Variants in PRKAR1A observed in about 807,000 individuals in gnomAD.
PRKAR1A encodes the protein cAMP-dependent protein kinase type I-alpha regulatory subunit.
A neutral mutation model predicts 52.0 loss-of-function variants in PRKAR1A; 3 were observed. The observed-to-expected ratio is 0.06, with a 90% CI of 0.03 to 0.15. The LOEUF (loss-of-function observed/expected upper bound fraction) is 0.15. Ranked by LOEUF, PRKAR1A falls within the 10% of genes least tolerant of loss-of-function variation. The pLI is 1.00. For missense variants in PRKAR1A, 240 were observed against 477.4 expected (o/e 0.50, Z 4.63); for synonymous variants, 188 against 168.4 (o/e 1.12, Z -0.90).
At chr17:68,516,335 G>C (rs2085432959) in intron 2 of PRKAR1A, among the ~76,000 whole-genome samples, 2 of 152,092 alleles carry the variant, frequency 1.3e-5, no homozygotes, top group South Asian at 2.1e-4. Flanking sequence ...GAATGAAAAA[G>C]TCTGGGTTAC....
chr17:68,509,725 T>C (rs1044327056), upstream of PRKAR1A, among the ~76,000 whole-genome samples: 2 of 152,214 alleles, frequency 1.3e-5, no homozygotes, highest in African/African-American at 4.8e-5. Context: ...TGAGGCTATT[T>C]AGTTTTTCAG....
chr17:68,507,589 G>A (rs747982448), upstream of PRKAR1A, among the ~76,000 whole-genome samples: 2 of 152,186 alleles, frequency 1.3e-5, no homozygotes, highest in East Asian at 1.9e-4. Context: ...CATGGCACAC[G>A]TTTATCTATG....
the PRKAR1A span, among the ~76,000 whole-genome samples, chr17:68,418,386 T>A: frequency 2.6e-5 from 4 of 152,208 alleles, no homozygotes; most frequent in East Asian, 7.7e-4. Flanking sequence ...AAAGCTCATG[T>A]CACTGCCCTG....
At chr17:68,421,803 T>C in the PRKAR1A span, 1 of 1,614,214 alleles carries the variant, frequency 6.2e-7, no homozygotes. Context: ...CCTTCTGATT[T>C]CCACGGCACA....
the PRKAR1A span, among the ~76,000 whole-genome samples, chr17:68,437,948 T>TAAAAA: frequency 5.7e-3 from 449 of 78,730 alleles, 8 homozygotes; most frequent in African/African-American, 0.02. Flanking sequence ...ACATCTCTCT[T>TAAAAA]AAAAAAAAAA....
At chr17:68,453,144 G>T in the PRKAR1A span, 1 of 562,628 alleles carries the variant, frequency 1.8e-6, no homozygotes, top group South Asian at 2.4e-5. Context: ...AAATGGTGAC[G>T]CATGTCTTGA....
At chr17:68,508,389 G>A (rs773390275), upstream of PRKAR1A, among the ~76,000 whole-genome samples, 1 of 152,214 alleles carries the variant, frequency 6.6e-6, no homozygotes, top group Non-Finnish European at 1.5e-5. Flanking sequence ...CAGCAACATA[G>A]ATACAGCTGG....
At chr17:68,463,808 G>A in the PRKAR1A span, among the ~76,000 whole-genome samples, 1 of 152,204 alleles carries the variant, frequency 6.6e-6, no homozygotes, top group Non-Finnish European at 1.5e-5. Context: ...AGAGGTCAGA[G>A]TGACCTGAGA....
At position 68,548,394 on chromosome 17, in the gene PRKAR1A, G is replaced by C. The variant is rs528515146; in HGVS notation, c.974-2690G>C. Among the ~76,000 whole-genome samples, 16 of 152,272 alleles carry C rather than the reference G, an allele frequency of 1.1e-4. No homozygotes were observed. The East Asian group carries it at 2.9e-3, about 28-fold the overall frequency. On this transcript the variant is annotated intron_variant, in intron 11 of 11. Coordinates refer to the PRKAR1A transcript ENST00000585981. ...AAAATGCAAAAATTAGCCAGGTGTG[G>C]TGGGCAGCGCCTTTAGTCCCAGCTA...
chr17:68,432,219 G>A, the PRKAR1A span, among the ~76,000 whole-genome samples: 2 of 152,170 alleles, frequency 1.3e-5, no homozygotes, highest in South Asian at 4.1e-4. Flanking sequence ...CTGGGGGTGG[G>A]GGGAGACAAG....
At chr17:68,510,580 C>T (rs1028666515), upstream of PRKAR1A, among the ~76,000 whole-genome samples, 7 of 152,254 alleles carry the variant, frequency 4.6e-5, no homozygotes, top group African/African-American at 1.4e-4. Context: ...ATAACATGAC[C>T]GGGCCTGCTC....
chr17:68,542,138 C>T, intron 11 of PRKAR1A: 2 of 1,614,034 alleles, frequency 1.2e-6, no homozygotes, highest in Non-Finnish European at 1.7e-6. Flanking sequence ...CATGTATGGA[C>T]ACTTGGCGAA....
At chr17:68,496,708 A>G in the PRKAR1A span, among the ~76,000 whole-genome samples, 9 of 152,024 alleles carry the variant, frequency 5.9e-5, no homozygotes, top group East Asian at 7.8e-4. Context: ...GCTATGTAGT[A>G]TATGAGGAAG....
At chr17:68,426,464 C>A in the PRKAR1A span, among the ~76,000 whole-genome samples, 28 of 152,230 alleles carry the variant, frequency 1.8e-4, no homozygotes, top group African/African-American at 6.7e-4. Context: ...AACTCCTGAG[C>A]CTAAGGGATC....
At chr17:68,450,674 T>C in the PRKAR1A span, 1 of 1,544,476 alleles carries the variant, frequency 6.5e-7, no homozygotes, top group African/African-American at 1.4e-5. Flanking sequence ...TCCATCTTTT[T>C]GTTTGGCTCC....
At chr17:68,486,498 C>CCTCT in the PRKAR1A span, among the ~76,000 whole-genome samples, 1 of 40,202 alleles carries the variant, frequency 2.5e-5, no homozygotes, top group African/African-American at 7.8e-5. Context: ...TCCTTCCTTC[C>CCTCT]TTCCTTCCTT....
At chr17:68,495,689 T>C in the PRKAR1A span, among the ~76,000 whole-genome samples, 1 of 152,158 alleles carries the variant, frequency 6.6e-6, no homozygotes, top group African/African-American at 2.4e-5. Flanking sequence ...CTTCTACTTA[T>C]CTGTGTATTA....
chr17:68,446,002 C>A, the PRKAR1A span, among the ~76,000 whole-genome samples: 2 of 152,120 alleles, frequency 1.3e-5, no homozygotes, highest in Non-Finnish European at 2.9e-5. Flanking sequence ...TCAGCCAGCT[C>A]CTTTTATTCC....
the PRKAR1A span, among the ~76,000 whole-genome samples, chr17:68,506,411 A>G: frequency 0.011 from 1,102 of 104,512 alleles, 6 homozygotes; most frequent in Non-Finnish European, 0.012. Context: ...GTACCCCCCC[A>G]ATCCCACCCC....
Sources: gnomAD v4.1 joint callset for allele counts (sites outside exome capture counted in the v4.1 genomes callset) on GRCh38, gnomAD v4.1.1 for gene constraint, MANE v1.5 for transcripts, NCBI Gene and HGNC (gene_info 2026-07-23, HGNC 2026-07-21) for gene names.